TBC1D10A: variants seen among roughly 807,000 people sequenced by gnomAD.
TBC1D10A encodes the protein EBP50-PDX interactor of 64 kDa.
A neutral mutation model predicts 52.9 loss-of-function variants in TBC1D10A; 24 were observed. That is an observed-to-expected ratio of 0.45 (90% CI 0.33 to 0.64). The LOEUF is 0.64. Ranked by LOEUF, TBC1D10A falls within the 30% of genes least tolerant of loss-of-function variation. The pLI, the probability that TBC1D10A is intolerant of heterozygous loss-of-function variation, is 0.02. For missense variants in TBC1D10A, 602 were observed against 687.9 expected (o/e 0.88, Z 1.40); for synonymous variants, 278 against 282.9 (o/e 0.98, Z 0.17).
chr22:30,321,275 C>T (rs1326584238), intron 1 of TBC1D10A, among the ~76,000 whole-genome samples: 1 of 152,158 alleles, frequency 6.6e-6, no homozygotes, highest in Admixed American at 6.5e-5. Flanking sequence ...AGAGTCACAG[C>T]CCAGGGCCCC....
chr22:30,311,509 T>G (rs1411003419), intron 1 of TBC1D10A, among the ~76,000 whole-genome samples: 3 of 152,186 alleles, frequency 2.0e-5, no homozygotes, highest in African/African-American at 4.8e-5. Flanking sequence ...ATTCTGGGGC[T>G]GCCTGTCTTT....
chr22:30,302,204 G>T (rs1930215385), intron 2 of TBC1D10A, among the ~76,000 whole-genome samples: 1 of 152,234 alleles, frequency 6.6e-6, no homozygotes, highest in Admixed American at 6.5e-5. Context: ...GTAGGGACCA[G>T]TAAGGATAAA....
chr22:30,323,772 C>A (rs1930707480), intron 1 of TBC1D10A, among the ~76,000 whole-genome samples: 1 of 152,098 alleles, frequency 6.6e-6, no homozygotes, highest in Non-Finnish European at 1.5e-5. Flanking sequence ...TCAAGACCAG[C>A]CTGGCCAACA....
chr22:30,311,993 G>A (rs1052240950), intron 1 of TBC1D10A, among the ~76,000 whole-genome samples: 1 of 152,112 alleles, frequency 6.6e-6, no homozygotes, highest in Non-Finnish European at 1.5e-5. Flanking sequence ...AGGTTTCACC[G>A]TGTTGCCCAG....
chr22:30,315,876 G>A (rs1223966450), intron 1 of TBC1D10A, among the ~76,000 whole-genome samples: 3 of 152,184 alleles, frequency 2.0e-5, no homozygotes, highest in African/African-American at 2.4e-5. Context: ...GACACTTGGG[G>A]CTGGGCTGAA....
At chr22:30,317,967 T>A (rs1248843934) in intron 1 of TBC1D10A, among the ~76,000 whole-genome samples, 1 of 152,074 alleles carries the variant, frequency 6.6e-6, no homozygotes, top group South Asian at 2.1e-4. Flanking sequence ...CTAAGTCACA[T>A]ATTACAAAGG....
At chr22:30,316,458 T>C (rs1930538331) in intron 1 of TBC1D10A, among the ~76,000 whole-genome samples, 1 of 141,938 alleles carries the variant, frequency 7.0e-6, no homozygotes, top group African/African-American at 2.6e-5. Flanking sequence ...TGTTTTTGTT[T>C]TTGTTTTTTT....
At chr22:30,323,845 C>T (rs1930709507) in intron 1 of TBC1D10A, among the ~76,000 whole-genome samples, 1 of 152,088 alleles carries the variant, frequency 6.6e-6, no homozygotes, top group Admixed American at 6.5e-5. Context: ...TGGGTGCAAT[C>T]TCTGCCTCCC....
At position 30,294,321 on chromosome 22, in the gene TBC1D10A, A is replaced by G. The variant is rs188058087; in HGVS notation, c.706-211T>C. Among the ~76,000 whole-genome samples the G allele has an allele frequency of 2.0e-5, 3 of 152,218 alleles. No individual in the cohort carries two copies. In the East Asian group the frequency reaches 5.8e-4, roughly 29 times the overall value. On this transcript the variant is annotated intron_variant, in intron 6 of 8. Transcript: ENST00000215790. Reference sequence around the variant, plus strand: ...GAGCTTATCCTGAGAAGGGCACATGAGCAAAAGAGGCTAGGGGAGGGGGAG... The same window carrying G: ...GAGCTTATCCTGAGAAGGGCACATGGGCAAAAGAGGCTAGGGGAGGGGGAG...
chr22:30,311,475 C>T (rs1023978262), intron 1 of TBC1D10A, among the ~76,000 whole-genome samples: 6 of 152,316 alleles, frequency 3.9e-5, no homozygotes, highest in South Asian at 4.1e-4. Flanking sequence ...TTGCTTCACT[C>T]TCCCTCCTTC....
Position 30,326,931 on chromosome 22 carries a change from C to A in TBC1D10A, c.-50G>T. 1.5e-6 allele frequency: 2 copies of A among 1,367,234 alleles called. No homozygotes were observed. The highest frequency in any genetic ancestry group is 3.4e-5 in the South Asian group (2 of 58,872). 84.7% of individuals were successfully genotyped at this position (1,367,234 alleles called of 1,614,324 possible). On this transcript the variant is annotated 5_prime_UTR_variant, in exon 1 of 9. Coordinates refer to ENST00000215790, the MANE Select transcript of TBC1D10A (RefSeq NM_031937.3). ...TCCAGCGGCCACCTCAGCCGCCCTG[C>A]TGCCGCCGACGCCCCGCCCACGCGC...
Position 30,292,509 on chromosome 22 carries a change from G to T in TBC1D10A, c.1393C>A (p.Pro465Thr), listed in dbSNP as rs1287831278. 2.5e-6 allele frequency: 4 copies of T among 1,610,666 alleles called. No individual in the cohort carries two copies. Among genetic ancestry groups the T allele is most frequent in the Non-Finnish European group, 3.4e-6 (4 of 1,178,578 alleles). Reference sequence around the variant, plus strand: ...TCCTTCGGGGGCACATGCTGTGGGGGACATGCATCTCCTGCAGCGGCCACC... The same window carrying T: ...TCCTTCGGGGGCACATGCTGTGGGGTACATGCATCTCCTGCAGCGGCCACC... ...MVVAAAGDACPPQHVPPKDSA... is the reference protein window; with the variant it reads ...MVVAAAGDACTPQHVPPKDSA... Residue 465 changes from proline (P) to threonine (T), a missense_variant, in exon 9 of 9, where the codon CCC becomes ACC. Transcript: ENST00000215790.
intron 1 of TBC1D10A, among the ~76,000 whole-genome samples, chr22:30,325,849 C>A (rs1029516325): frequency 2.6e-5 from 4 of 152,194 alleles, no homozygotes; most frequent in African/African-American, 9.7e-5. Context: ...GAGGCGCATA[C>A]ATACACAGGA....
At chr22:30,317,182 T>C (rs983946470) in intron 1 of TBC1D10A, among the ~76,000 whole-genome samples, 18 of 152,034 alleles carry the variant, frequency 1.2e-4, no homozygotes, top group African/African-American at 4.3e-4. Context: ...CCAAGGTGGG[T>C]GGATCACCTG....
chr22:30,301,149 G>A (rs547047500), intron 2 of TBC1D10A, among the ~76,000 whole-genome samples: 6 of 152,268 alleles, frequency 3.9e-5, no homozygotes, highest in East Asian at 3.9e-4. Flanking sequence ...ACCCAGCCCC[G>A]TGTACTTTCT....
At chr22:30,309,809 C>T (rs759964924) in intron 1 of TBC1D10A, among the ~76,000 whole-genome samples, 3 of 152,222 alleles carry the variant, frequency 2.0e-5, no homozygotes, top group African/African-American at 7.2e-5. Context: ...CTGGGGTTCT[C>T]TCTTCCCTTG....
At position 30,326,928 on chromosome 22, in the gene TBC1D10A, C is replaced by A. The variant is rs1281335261; in HGVS notation, c.-47G>T. The A allele has an allele frequency of 2.2e-6, 3 of 1,377,608 alleles. No individual in the cohort carries two copies. Among genetic ancestry groups the A allele is most frequent in the South Asian group, 3.3e-5 (2 of 60,524 alleles). The allele number at this position is 1,377,608 out of a possible 1,614,324, so 85.3% of individuals were successfully genotyped here. On this transcript the variant is annotated 5_prime_UTR_variant, in exon 1 of 9. The change creates a new upstream start codon in the 5' untranslated region. Transcript: ENST00000215790. ...AGCTCCAGCGGCCACCTCAGCCGCC[C>A]TGCTGCCGCCGACGCCCCGCCCACG... is the stretch of plus-strand genomic sequence containing the variant.
At chr22:30,296,143 C>T (rs142222878) in intron 3 of TBC1D10A, 14 of 345,508 alleles carry the variant, frequency 4.1e-5, no homozygotes, top group Middle Eastern at 8.1e-4. Context: ...ACATTTCATT[C>T]GGGAGTCAGA....
At chr22:30,317,589 C>A (rs1238982429) in intron 1 of TBC1D10A, among the ~76,000 whole-genome samples, 1 of 152,130 alleles carries the variant, frequency 6.6e-6, no homozygotes, top group Non-Finnish European at 1.5e-5. Flanking sequence ...CCTTTGTATA[C>A]AACCACACCT....
Sources: gnomAD v4.1 joint callset for allele counts (sites outside exome capture counted in the v4.1 genomes callset) on GRCh38, gnomAD v4.1.1 for gene constraint, MANE v1.5 for transcripts, NCBI Gene and HGNC (gene_info 2026-07-23, HGNC 2026-07-21) for gene names.